Variants in OPCML observed in about 807,000 individuals in gnomAD.
OPCML encodes opioid binding protein/cell adhesion molecule like.
In OPCML, 13 loss-of-function variants were observed where a neutral mutation model predicts 37.8. That is an observed-to-expected ratio of 0.34 (90% CI 0.22 to 0.55). The LOEUF (loss-of-function observed/expected upper bound fraction) is 0.55, where lower values mean the gene tolerates loss of function less well. Ranked by LOEUF, OPCML falls within the 20% of genes least tolerant of loss-of-function variation. OPCML has a pLI of 0.91. For synonymous variants in OPCML, 176 were observed against 168.8 expected, an observed-to-expected ratio of 1.04 and a Z score of -0.33; for missense variants, 341 against 435.6, an observed-to-expected ratio of 0.78 and a Z score of 1.93.
chr11:133,370,475 G>C (rs1335745641), intron 1 of OPCML, among the ~76,000 whole-genome samples: 1 of 133,640 alleles, frequency 7.5e-6, no homozygotes, highest in Non-Finnish European at 1.6e-5. Flanking sequence ...GTTTACAATA[G>C]CTCAAACAGA....
At chr11:132,582,455 C>T (rs1442240409) in intron 3 of OPCML, among the ~76,000 whole-genome samples, 2 of 151,942 alleles carry the variant, frequency 1.3e-5, no homozygotes. Context: ...CAAACAACAG[C>T]AACAATATAA....
intron 4 of OPCML, among the ~76,000 whole-genome samples, chr11:132,510,283 G>A (rs1290227211): frequency 6.6e-6 from 1 of 152,150 alleles, no homozygotes; most frequent in Non-Finnish European, 1.5e-5. Context: ...AGGCTCATAG[G>A]TGGAAGGGAC....
intron 3 of OPCML, among the ~76,000 whole-genome samples, chr11:132,559,986 C>T (rs566146234): frequency 6.6e-6 from 1 of 152,306 alleles, no homozygotes; most frequent in Non-Finnish European, 1.5e-5. Flanking sequence ...TATCTATAGC[C>T]TCACTCTGTG....
chr11:133,043,709 C>A (rs554246818), intron 1 of OPCML, among the ~76,000 whole-genome samples: 1 of 151,976 alleles, frequency 6.6e-6, no homozygotes, highest in South Asian at 2.1e-4. Flanking sequence ...TGATTGCGTG[C>A]GGTTACTTTT....
At chr11:133,291,105 C>T (rs992294924) in intron 1 of OPCML, among the ~76,000 whole-genome samples, 3 of 152,218 alleles carry the variant, frequency 2.0e-5, no homozygotes, top group Non-Finnish European at 2.9e-5. Context: ...ATTCGTGCCA[C>T]GCACAGCTCA....
intron 1 of OPCML, among the ~76,000 whole-genome samples, chr11:133,362,417 G>A (rs1032777323): frequency 6.6e-6 from 1 of 152,128 alleles, no homozygotes; most frequent in East Asian, 1.9e-4. Context: ...GCCTCCCCTC[G>A]GACAGGACCA....
At chr11:133,382,700 GGAACATT>G (rs1944957222) in intron 1 of OPCML, among the ~76,000 whole-genome samples, 2 of 152,100 alleles carry the variant, frequency 1.3e-5, no homozygotes, top group African/African-American at 4.8e-5. Flanking sequence ...AGTCTTTAAG[GGAACATT>G]GATTCAGCAG....
chr11:133,175,953 T>A (rs923590093), intron 1 of OPCML, among the ~76,000 whole-genome samples: 1 of 152,112 alleles, frequency 6.6e-6, no homozygotes, highest in African/African-American at 2.4e-5. Flanking sequence ...AAGTGAAGGA[T>A]TATGGGAAAG....
intron 1 of OPCML, among the ~76,000 whole-genome samples, chr11:133,182,691 T>C (rs1592081317): frequency 6.6e-6 from 1 of 152,124 alleles, no homozygotes; most frequent in East Asian, 1.9e-4. Flanking sequence ...TGCCAAGAGG[T>C]GGTTCACCTG....
intron 4 of OPCML, among the ~76,000 whole-genome samples, chr11:132,439,713 C>T (rs548045980): frequency 0.066 from 7,727 of 116,850 alleles, 618 homozygotes; most frequent in African/African-American, 0.23. Context: ...TTTTTTTTTT[C>T]CTGAAAGAAA....
intron 1 of OPCML, among the ~76,000 whole-genome samples, chr11:132,995,280 T>A (rs1183934533): frequency 6.6e-6 from 1 of 152,160 alleles, no homozygotes; most frequent in East Asian, 1.9e-4. Flanking sequence ...CCAAATGAAC[T>A]GTGCTGTGCT....
intron 2 of OPCML, among the ~76,000 whole-genome samples, chr11:132,940,606 G>C (rs1434372954): frequency 6.6e-6 from 1 of 152,196 alleles, no homozygotes; most frequent in Non-Finnish European, 1.5e-5. Context: ...CTCCCTCAGA[G>C]TACTGACAAA....
intron 1 of OPCML, among the ~76,000 whole-genome samples, chr11:133,270,409 G>C (rs958837295): frequency 6.6e-6 from 1 of 152,090 alleles, no homozygotes; most frequent in Admixed American, 6.6e-5. Context: ...AAATGAGAAG[G>C]CTAGACAAAT....
At chr11:132,565,610 C>T (rs569916805) in intron 3 of OPCML, among the ~76,000 whole-genome samples, 26 of 152,318 alleles carry the variant, frequency 1.7e-4, no homozygotes, top group African/African-American at 6.0e-4. Context: ...CCCCAGTCTG[C>T]GACTGACAGT....
chr11:132,776,620 C>T (rs1946819579), intron 2 of OPCML, among the ~76,000 whole-genome samples: 1 of 152,070 alleles, frequency 6.6e-6, no homozygotes, highest in African/African-American at 2.4e-5. Context: ...GCTGGTCCCC[C>T]ATTGCTTTCC....
intron 2 of OPCML, among the ~76,000 whole-genome samples, chr11:132,853,927 T>C (rs1307409554): frequency 6.6e-6 from 1 of 152,230 alleles, no homozygotes; most frequent in Non-Finnish European, 1.5e-5. Flanking sequence ...GTTAATTGTG[T>C]TCAATGGTGT....
Position 133,205,325 on chromosome 11 carries a change from C to A in OPCML, c.62-262315G>T, listed in dbSNP as rs1939017339. On this transcript the variant is annotated intron_variant, in intron 1 of 7. Coordinates refer to ENST00000524381, the MANE Select transcript of OPCML (RefSeq NM_001012393.5). The surrounding 1 kb of genome is among the most constrained non-coding windows in gnomAD (Gnocchi z 4.8). ...CCCCTCCCCGCTGCCTTGCCCCACA[C>A]ACCTCTTCCAGCCGGCTGCTCCCCT... 6.6e-6 allele frequency among the ~76,000 whole-genome samples: 1 copy of A among 152,194 alleles called. No homozygotes were observed. The highest frequency in any genetic ancestry group is 2.1e-4 in the South Asian group (1 of 4,828).
intron 1 of OPCML, among the ~76,000 whole-genome samples, chr11:133,102,698 T>C (rs1021409080): frequency 5.3e-5 from 8 of 152,052 alleles, no homozygotes; most frequent in Non-Finnish European, 1.0e-4. Flanking sequence ...TGCAGTGAGC[T>C]GAGATCGCCC....
intron 1 of OPCML, among the ~76,000 whole-genome samples, chr11:133,427,197 A>G (rs1331055939): frequency 6.6e-6 from 1 of 152,122 alleles, no homozygotes; most frequent in Non-Finnish European, 1.5e-5. Flanking sequence ...TATAAAACCT[A>G]ATCTACCATA....
Sources: gnomAD v4.1 joint callset for allele counts (sites outside exome capture counted in the v4.1 genomes callset) on GRCh38, gnomAD v4.1.1 for gene constraint, Gnocchi (gnomAD v3.1) non-coding constraint, MANE v1.5 for transcripts, NCBI Gene and HGNC (gene_info 2026-07-23, HGNC 2026-07-21) for gene names.